The following THOC5 variants were observed in gnomAD, a reference collection of about 807,000 sequenced individuals.
THOC5 encodes Fms-interacting protein.
A neutral mutation model predicts 92.9 loss-of-function variants in THOC5; 43 were observed. The ratio of observed to expected loss-of-function variants is 0.46; its 90% CI spans 0.36 to 0.60. THOC5 has a LOEUF of 0.60. Ranked by LOEUF, THOC5 falls within the 20% of genes least tolerant of loss-of-function variation. The pLI, the probability that THOC5 is intolerant of heterozygous loss-of-function variation, is 0.00. For synonymous variants in THOC5, 296 were observed against 320.1 expected, an observed-to-expected ratio of 0.92 and a Z score of 0.80; for missense variants, 659 against 849.4, an observed-to-expected ratio of 0.78 and a Z score of 2.79.
At chr22:29,535,754 A>T (rs1483973186) in intron 7 of THOC5, 1 of 152,210 alleles carries the variant, frequency 6.6e-6, no homozygotes, top group African/African-American at 2.4e-5. Flanking sequence ...CAAAACTTTT[A>T]ATTTCTGCTC....
chr22:29,511,937 G>T, intron 18 of THOC5, 84 bp downstream of exon 18: 1 of 1,120,314 alleles, frequency 8.9e-7, no homozygotes, highest in Non-Finnish European at 1.3e-6. Context: ...CAGTGCCCAA[G>T]TCCTCAGCTG....
At chr22:29,552,103 C>A (rs1049156167) in intron 1 of THOC5, among the ~76,000 whole-genome samples, 3 of 152,190 alleles carry the variant, frequency 2.0e-5, no homozygotes, top group African/African-American at 7.2e-5. Flanking sequence ...GGTGCCCAGG[C>A]TGGAGTGCAG....
intron 2 of THOC5, among the ~76,000 whole-genome samples, chr22:29,546,397 G>A (rs896576695): frequency 6.4e-5 from 9 of 141,058 alleles, no homozygotes; most frequent in East Asian, 6.0e-4. Flanking sequence ...GAATTTCTCC[G>A]CAAAAAATGG....
At position 29,512,118 on chromosome 22, in the gene THOC5, A is replaced by G; in HGVS notation, c.1700T>C (p.Val567Ala). 1 of 1,614,136 alleles carries G rather than the reference A, an allele frequency of 6.2e-7. No individual in the cohort carries two copies. The highest frequency in any genetic ancestry group is 8.5e-7 in the Non-Finnish European group (1 of 1,179,972). The change falls in exon 18 of 20, where the codon GTG (valine) becomes GCG (alanine). Residue 567 changes from valine to alanine, a missense_variant. Val to Ala is a moderately conservative substitution (Grantham distance 64, BLOSUM62 0). Coordinates refer to ENST00000490103, the MANE Select transcript of THOC5 (RefSeq NM_003678.5). ...GGAGGAGTAGCCAGGGTTCAACACC[A>G]CAGCGGCCTGCAGTTTGGCTGGGAA... ...ERGTAKLQAAVVLNPGYSSIP... is the reference protein window; with the variant it reads ...ERGTAKLQAAAVLNPGYSSIP...
chr22:29,539,311 AG>A lies in THOC5; in HGVS notation c.599+18del. 1 of 1,611,716 alleles carries A rather than the reference AG, an allele frequency of 6.2e-7. No individual in the cohort carries two copies. Among genetic ancestry groups the A allele is most frequent in the Non-Finnish European group, 8.5e-7 (1 of 1,178,572 alleles). The stretch of plus-strand genomic sequence containing the variant: ...ACTGACACTTTGTGGTTAAAAGGTC[AG>A]GAAGGAGGAAATGCTACCTTTTCCG... On this transcript the variant is annotated intron_variant, in intron 6 of 19. Coordinates refer to ENST00000490103, the MANE Select transcript of THOC5 (RefSeq NM_003678.5).
intron 12 of THOC5, among the ~76,000 whole-genome samples, chr22:29,521,848 T>C (rs1430858077): frequency 6.6e-6 from 1 of 151,588 alleles, no homozygotes; most frequent in African/African-American, 2.4e-5. Context: ...CCAAAGGGGG[T>C]TCTCCTTCAT....
intron 14 of THOC5, 105 bp downstream of exon 14, chr22:29,519,903 G>C (rs2063406181): frequency 1.2e-6 from 1 of 821,380 alleles, no homozygotes; most frequent in African/African-American, 1.7e-5. Flanking sequence ...CAAAGTACAA[G>C]GATTATAGGC....
At chr22:29,541,168 G>A (rs1303208321) in intron 5 of THOC5, among the ~76,000 whole-genome samples, 1 of 151,454 alleles carries the variant, frequency 6.6e-6, no homozygotes, top group African/African-American at 2.4e-5. Flanking sequence ...CTGGGCAACA[G>A]AGCGAGACTT....
chr22:29,552,686 C>A (rs1350169007), intron 1 of THOC5, among the ~76,000 whole-genome samples: 4 of 151,822 alleles, frequency 2.6e-5, no homozygotes, highest in African/African-American at 9.7e-5. Flanking sequence ...CCCGGCCGCC[C>A]CTTCTGGGAG....
intron 17 of THOC5, among the ~76,000 whole-genome samples, chr22:29,516,540 C>G (rs749134374): frequency 2.0e-5 from 3 of 152,192 alleles, no homozygotes; most frequent in Non-Finnish European, 4.4e-5. Flanking sequence ...CAGCAGGGAG[C>G]CCTGGCAGAG....
intron 5 of THOC5, among the ~76,000 whole-genome samples, chr22:29,541,766 CAGG>C (rs1467612801): frequency 2.1e-5 from 3 of 142,312 alleles, no homozygotes; most frequent in Non-Finnish European, 4.5e-5. Context: ...GAGGCTGAGG[CAGG>C]AGAATGGCGT....
At chr22:29,519,172 G>C (rs561603256) in intron 14 of THOC5, 52 bp from the exon 15 acceptor site, 1 of 1,265,052 alleles carries the variant, frequency 7.9e-7, no homozygotes, top group Non-Finnish European at 1.1e-6. Flanking sequence ...CCCTTCCTCC[G>C]GGCACCATCT....
At position 29,544,577 on chromosome 22, in the gene THOC5, GGCCTCCTCACT is replaced by G; in HGVS notation, c.112_122del (p.Ser38ArgfsTer12). 6.2e-7 allele frequency: 1 copy of G among 1,613,016 alleles called. No individual in the cohort carries two copies. The highest frequency in any genetic ancestry group is 8.5e-7 in the Non-Finnish European group (1 of 1,179,490). On this transcript the variant is annotated frameshift_variant, in exon 3 of 20. Transcript: ENST00000490103. LOFTEE classifies it high-confidence loss of function. ...TGCCAGGGTCCCGCAGATCCACCTC[GGCCTCCTCACT>G]GTAGTATTTACCTTCCTGTAGAGGT... is the stretch of plus-strand genomic sequence containing the variant.
At chr22:29,553,395 A>G (rs562105979) in intron 1 of THOC5, 1 of 152,960 alleles carries the variant, frequency 6.5e-6, no homozygotes, top group East Asian at 1.9e-4. Context: ...AGAGCACGAT[A>G]TATGTGAGCT....
At position 29,511,384 on chromosome 22, in the gene THOC5, G is replaced by A. The variant is rs190816346; in HGVS notation, c.1798-88C>T. On this transcript the variant is annotated intron_variant, in intron 18 of 19. Transcript: ENST00000490103. ...CAGGCTTCCGTCCCTGGATGGGCCC[G>A]AGCGCTGATGCCTCTGCAGGGGCTG... 8,351 of 1,435,420 alleles carry A rather than the reference G, an allele frequency of 5.8e-3. 77 individuals are homozygous for A. The highest frequency in any genetic ancestry group is 5.3e-3 in the Non-Finnish European group (5,576 of 1,055,356). 88.9% of individuals were successfully genotyped at this position (1,435,420 alleles called of 1,614,324 possible).
intron 4 of THOC5, 79 bp from the exon 5 acceptor site, chr22:29,543,035 G>T (rs2063932040): frequency 2.9e-6 from 3 of 1,024,638 alleles, no homozygotes; most frequent in African/African-American, 1.6e-5. Context: ...CTAAGAGAAG[G>T]TGTAAAGGGA....
At chr22:29,509,275 CAAAAAAA>C (rs59981269) in intron 19 of THOC5, among the ~76,000 whole-genome samples, 9 of 70,958 alleles carry the variant, frequency 1.3e-4, no homozygotes, top group Middle Eastern at 8.2e-3. Flanking sequence ...GACTCTGTCT[CAAAAAAA>C]AAAAAAAAAA....
At chr22:29,523,626 G>A (rs942123917) in intron 12 of THOC5, among the ~76,000 whole-genome samples, 7 of 152,102 alleles carry the variant, frequency 4.6e-5, no homozygotes, top group South Asian at 2.1e-4. Flanking sequence ...ATACAAAGAC[G>A]GTGGAAAGCC....
At chr22:29,509,339 G>T (rs78862659) in intron 19 of THOC5, among the ~76,000 whole-genome samples, 1 of 151,940 alleles carries the variant, frequency 6.6e-6, no homozygotes, top group Non-Finnish European at 1.5e-5. Flanking sequence ...TGGAGAAGAG[G>T]AAATCAATGC....
Sources: gnomAD v4.1 joint callset for allele counts (sites outside exome capture counted in the v4.1 genomes callset) on GRCh38, gnomAD v4.1.1 for gene constraint, MANE v1.5 for transcripts, NCBI Gene and HGNC (gene_info 2026-07-23, HGNC 2026-07-21) for gene names.